UBE2W: variants seen among roughly 807,000 people sequenced by gnomAD.
UBE2W encodes the protein ubiquitin-conjugating enzyme E2 W.
A neutral mutation model predicts 27.2 loss-of-function variants in UBE2W; 18 were observed. The observed-to-expected ratio is 0.66, with a 90% CI of 0.46 to 0.98. UBE2W has a LOEUF of 0.98. UBE2W is among the 50% of genes least tolerant of loss of function. The pLI is 0.00. For synonymous variants in UBE2W, 53 were observed against 57.2 expected, an observed-to-expected ratio of 0.93 and a Z score of 0.33; for missense variants, 90 against 180.2, an observed-to-expected ratio of 0.50 and a Z score of 2.87.
chr8:73,858,424 TAAG>T (rs370314887), intron 1 of UBE2W, among the ~76,000 whole-genome samples: 44 of 150,692 alleles, frequency 2.9e-4, no homozygotes, highest in African/African-American at 1.0e-3. Flanking sequence ...AAGAAGGAAT[TAAG>T]AAATATGAAA....
chr8:73,814,028 C>T (rs1056563356), intron 3 of UBE2W, among the ~76,000 whole-genome samples: 2 of 152,098 alleles, frequency 1.3e-5, no homozygotes, highest in Admixed American at 6.6e-5. Flanking sequence ...TCACTGCACC[C>T]GGCCCACAGA....
intron 5 of UBE2W, among the ~76,000 whole-genome samples, chr8:73,801,590 C>T (rs1808647450): frequency 6.6e-6 from 1 of 152,166 alleles, no homozygotes; most frequent in Non-Finnish European, 1.5e-5. Context: ...CTATGTTTGT[C>T]AATATTCCTA....
rs1199874050 is a variant in UBE2W, at chr8:73,794,004, T to A, written c.*98A>T. 1 of 1,577,168 alleles carries A rather than the reference T, an allele frequency of 6.3e-7. No individual in the cohort carries two copies. On this transcript the variant is annotated 3_prime_UTR_variant, in exon 6 of 6. Coordinates refer to ENST00000602593, the MANE Select transcript of UBE2W (RefSeq NM_018299.6). ...GGAAGTAGTCTTCATTGCCTATAGGTCACTTCCAGTCAAAGGTTAAAGTTC... is the reference window on the plus strand; with the variant it reads ...GGAAGTAGTCTTCATTGCCTATAGGACACTTCCAGTCAAAGGTTAAAGTTC...
At chr8:73,801,666 A>G (rs992486444) in intron 5 of UBE2W, among the ~76,000 whole-genome samples, 6 of 152,162 alleles carry the variant, frequency 3.9e-5, no homozygotes, top group Non-Finnish European at 5.9e-5. Context: ...AGTTTCTGAC[A>G]CTCAAGGATT....
At chr8:73,872,012 GCCC>G (rs946667270) in intron 1 of UBE2W, among the ~76,000 whole-genome samples, 1 of 151,984 alleles carries the variant, frequency 6.6e-6, no homozygotes, top group Non-Finnish European at 1.5e-5. Flanking sequence ...TCCCACCTCA[GCCC>G]CCCAAGTAGC....
chr8:73,819,399 G>A (rs115041305), intron 3 of UBE2W, among the ~76,000 whole-genome samples: 102 of 152,174 alleles, frequency 6.7e-4, no homozygotes, highest in African/African-American at 2.3e-3. Context: ...CAAGAAATAC[G>A]GAATGAATAT....
rs183555746 is a variant in UBE2W at position 73,809,058 on chromosome 8, C to T, written c.366+1416G>A. On this transcript the variant is annotated intron_variant, in intron 4 of 5. Coordinates refer to ENST00000602593, the MANE Select transcript of UBE2W (RefSeq NM_018299.6). ...GTCTCACCTTTCTATAGTCTTTAAG[C>T]GTAACAGGAACATAGAAGGCCTTGT... Among the ~76,000 whole-genome samples, 1,355 of 152,180 alleles carry T rather than the reference C, an allele frequency of 8.9e-3. 21 individuals are homozygous for T. The highest frequency in any genetic ancestry group is 0.085 in the South Asian group (409 of 4,818).
In UBE2W at chr8:73,787,568, G is replaced by A. The variant is rs1203762166; in HGVS notation, c.*6534C>T. 4.1e-6 allele frequency: 4 copies of A among 985,288 alleles called. No homozygotes were observed. The South Asian group carries it at 1.4e-4, about 35-fold the overall frequency. 61.0% of individuals were successfully genotyped at this position (985,288 alleles called of 1,614,324 possible). On this transcript the variant is annotated 3_prime_UTR_variant, in exon 6 of 6. Transcript: ENST00000602593. ...GAATGGCTGCCTCAATGAGGACTAA[G>A]GTGCTCCTGGGGCAAGCAGATCCCC...
chr8:73,830,863 T>C (rs900798955), intron 1 of UBE2W, among the ~76,000 whole-genome samples: 1 of 152,228 alleles, frequency 6.6e-6, no homozygotes, highest in African/African-American at 2.4e-5. Context: ...ATCATTAAAT[T>C]TCCTCCAAAT....
chr8:73,843,536 T>C (rs925669912), intron 1 of UBE2W, among the ~76,000 whole-genome samples: 2 of 151,970 alleles, frequency 1.3e-5, no homozygotes, highest in African/African-American at 4.8e-5. Flanking sequence ...CTCCGGAAAC[T>C]GAGGGGGAAA....
At chr8:73,839,342 C>T (rs1337581681) in intron 1 of UBE2W, among the ~76,000 whole-genome samples, 2 of 100,126 alleles carry the variant, frequency 2.0e-5, no homozygotes, top group Non-Finnish European at 3.8e-5. Context: ...TAAAATGCTC[C>T]TAGTTAAAAA....
Position 73,810,649 on chromosome 8 carries a change from C to A in UBE2W, c.211-20G>T. ...CATGACCTAAGAGAGAATAAAATTC[C>A]ATTAAAACTCAAATATTCTCTACTA... On this transcript the variant is annotated intron_variant, in intron 3 of 5. Transcript: ENST00000602593. The A allele has an allele frequency of 2.0e-6, 3 of 1,512,932 alleles. No individual in the cohort carries two copies. The highest frequency in any genetic ancestry group is 2.7e-6 in the Non-Finnish European group (3 of 1,131,418). The allele number at this position is 1,512,932 out of a possible 1,614,324, so 93.7% of individuals were successfully genotyped here.
At chr8:73,844,320 G>T (rs182226779) in intron 1 of UBE2W, among the ~76,000 whole-genome samples, 4 of 152,144 alleles carry the variant, frequency 2.6e-5, no homozygotes, top group African/African-American at 9.7e-5. Context: ...ACTGGTTTTC[G>T]TATCTTTTGG....
In UBE2W at chr8:73,851,967, A is replaced by ATTTT. The variant is rs1811102648; in HGVS notation, c.16-21496_16-21495insAAAA. Among the ~76,000 whole-genome samples, 15 of 146,774 alleles carry ATTTT rather than the reference A, an allele frequency of 1.0e-4. No homozygotes were observed. The South Asian group carries it at 3.2e-3, about 31-fold the overall frequency. On this transcript the variant is annotated intron_variant, in intron 1 of 5. Transcript: ENST00000602593. ...AGTCTCTCTTTTTTTTTTTTTTAAAAAAAAAAAAAAAGGAAAGAGAAGGTG... is the reference window on the plus strand; with the variant it reads ...AGTCTCTCTTTTTTTTTTTTTTAAAATTTTAAAAAAAAAAAGGAAAGAGAAGGTG...
chr8:73,806,955 T>C, intron 4 of UBE2W, among the ~76,000 whole-genome samples: 1 of 152,140 alleles, frequency 6.6e-6, no homozygotes, highest in East Asian at 1.9e-4. Context: ...ATATGGCAGC[T>C]CCGCAAGGGA....
intron 3 of UBE2W, among the ~76,000 whole-genome samples, chr8:73,815,413 G>A (rs987507967): frequency 6.6e-6 from 1 of 152,100 alleles, no homozygotes; most frequent in Non-Finnish European, 1.5e-5. Flanking sequence ...CTCAAAGTTG[G>A]TGTAGTCAGA....
chr8:73,841,629 A>G (rs1445536015), intron 1 of UBE2W, among the ~76,000 whole-genome samples: 1 of 152,352 alleles, frequency 6.6e-6, no homozygotes, highest in East Asian at 1.9e-4. Flanking sequence ...CACAAAGCCA[A>G]GGAAGAATAT....
intron 5 of UBE2W, among the ~76,000 whole-genome samples, chr8:73,803,857 C>T (rs1808753435): frequency 6.6e-6 from 1 of 151,610 alleles, no homozygotes; most frequent in Non-Finnish European, 1.5e-5. Flanking sequence ...AGCTCCGCCT[C>T]CTGGGTTCAT....
chr8:73,802,179 G>A (rs1039526050), intron 5 of UBE2W, among the ~76,000 whole-genome samples: 15 of 152,286 alleles, frequency 9.8e-5, no homozygotes, highest in South Asian at 2.1e-4. Flanking sequence ...GCTAAATACT[G>A]CTAAACTGCT....
Sources: allele counts gnomAD v4.1 joint callset (sites outside exome capture counted in the v4.1 genomes callset), GRCh38; gene constraint gnomAD v4.1.1; transcripts MANE v1.5; gene names NCBI Gene and HGNC (gene_info 2026-07-23, HGNC 2026-07-21).